Variants in TPH2 observed in about 807,000 individuals in gnomAD.
TPH2 encodes the protein tryptophan hydroxylase 2.
A neutral mutation model predicts 59.1 loss-of-function variants in TPH2; 27 were observed. The observed-to-expected ratio is 0.46, with a 90% CI of 0.34 to 0.63. The LOEUF (loss-of-function observed/expected upper bound fraction) is 0.63, where lower values mean the gene tolerates loss of function less well. Among genes scored for constraint, TPH2 ranks in the 30% least tolerant of loss-of-function variants. The probability of loss-of-function intolerance (pLI) is 0.01; values close to 1 mark genes in which losing one functional copy is unlikely to be tolerated. For missense variants in TPH2, 523 were observed against 588.3 expected (o/e 0.89, Z 1.15); for synonymous variants, 220 against 210.5 (o/e 1.05, Z -0.39).
intron 8 of TPH2, among the ~76,000 whole-genome samples, chr12:71,995,625 G>A (rs186269210): frequency 4.5e-4 from 69 of 152,180 alleles, no homozygotes; most frequent in African/African-American, 1.2e-3. Flanking sequence ...CATCTAAATG[G>A]CAAGGACCTC....
chr12:71,950,052 TCA>T (rs1305390815), intron 5 of TPH2, among the ~76,000 whole-genome samples: 1 of 152,142 alleles, frequency 6.6e-6, no homozygotes, highest in East Asian at 1.9e-4. Flanking sequence ...GTGAAAGGGC[TCA>T]GTTAAGGAGC....
At chr12:71,958,054 A>G (rs1383216073) in intron 5 of TPH2, among the ~76,000 whole-genome samples, 2 of 152,238 alleles carry the variant, frequency 1.3e-5, no homozygotes, top group African/African-American at 4.8e-5. Context: ...CCATTATTGT[A>G]CGCACTTTGA....
chr12:72,024,464 A>G (rs1452427220), intron 9 of TPH2, among the ~76,000 whole-genome samples: 1 of 152,244 alleles, frequency 6.6e-6, no homozygotes, highest in African/African-American at 2.4e-5. Flanking sequence ...AATTCTCAAC[A>G]AAGAATCTAT....
chr12:72,023,192 T>G (rs956142498), intron 9 of TPH2, among the ~76,000 whole-genome samples: 1 of 152,218 alleles, frequency 6.6e-6, no homozygotes, highest in South Asian at 2.1e-4. Flanking sequence ...CAAGTTTTGA[T>G]GCATTTTAAA....
At chr12:72,021,459 T>TG (rs1873416084) in intron 8 of TPH2, among the ~76,000 whole-genome samples, 1 of 151,750 alleles carries the variant, frequency 6.6e-6, no homozygotes, top group Non-Finnish European at 1.5e-5. Context: ...ACAGTTTTTT[T>TG]TTTTAACTTC....
At chr12:72,003,382 G>C (rs1872874362) in intron 8 of TPH2, among the ~76,000 whole-genome samples, 3 of 152,138 alleles carry the variant, frequency 2.0e-5, no homozygotes, top group Non-Finnish European at 2.9e-5. Context: ...ATTTTTAAGA[G>C]TAACTTAATT....
intron 8 of TPH2, among the ~76,000 whole-genome samples, chr12:72,012,784 G>A (rs1031749655): frequency 2.6e-5 from 4 of 152,138 alleles, no homozygotes; most frequent in African/African-American, 9.7e-5. Flanking sequence ...AGAGATTGGG[G>A]TATATTTCTT....
intron 8 of TPH2, among the ~76,000 whole-genome samples, chr12:71,997,710 C>T (rs1275205188): frequency 6.6e-6 from 1 of 152,018 alleles, no homozygotes; most frequent in Non-Finnish European, 1.5e-5. Flanking sequence ...TTTAAGCTAC[C>T]AGGCATTCTT....
chr12:71,994,643 A>G (rs1872652326), intron 8 of TPH2, 78 bp downstream of exon 8: 3 of 1,555,286 alleles, frequency 1.9e-6, no homozygotes, highest in Admixed American at 1.7e-5. Context: ...ATTATTGACT[A>G]TGAGTTATAG....
At chr12:71,968,887 G>A (rs1156277333) in intron 5 of TPH2, among the ~76,000 whole-genome samples, 1 of 152,092 alleles carries the variant, frequency 6.6e-6, no homozygotes, top group African/African-American at 2.4e-5. Context: ...TCTCTAGAAT[G>A]TGGAGTCCTT....
At chr12:72,010,448 A>G (rs1182645438) in intron 8 of TPH2, among the ~76,000 whole-genome samples, 3 of 152,170 alleles carry the variant, frequency 2.0e-5, no homozygotes, top group African/African-American at 7.2e-5. Context: ...TCTGAGTATG[A>G]GAGATGATGA....
In TPH2 at chr12:72,032,292, G is replaced by A. The variant is rs571843001; in HGVS notation, c.*597G>A. The A allele has an allele frequency of 9.0e-5, 14 of 155,776 alleles. No homozygotes were observed. The highest frequency in any genetic ancestry group is 7.9e-4 in the South Asian group (4 of 5,078). 9.6% of individuals were successfully genotyped at this position (155,776 alleles called of 1,614,324 possible). ...TTACAAATGGAATTATGTAGGTTGC[G>A]TTGACCTTGTAGAACCTGAGTTATG... is the stretch of plus-strand genomic sequence containing the variant. On this transcript the variant is annotated 3_prime_UTR_variant, in exon 11 of 11. Transcript: ENST00000333850.
At chr12:71,959,061 C>T (rs1228915483) in intron 5 of TPH2, among the ~76,000 whole-genome samples, 2 of 49,860 alleles carry the variant, frequency 4.0e-5, no homozygotes, top group Non-Finnish European at 4.1e-5. Flanking sequence ...CAGAGAAGGG[C>T]ATTTTTTTTT....
At chr12:71,952,321 T>C (rs1871371662) in intron 5 of TPH2, among the ~76,000 whole-genome samples, 1 of 152,034 alleles carries the variant, frequency 6.6e-6, no homozygotes, top group African/African-American at 2.4e-5. Context: ...AAAAGAGGGC[T>C]GGATGGAGCT....
intron 6 of TPH2, among the ~76,000 whole-genome samples, chr12:71,974,121 G>A (rs756300489): frequency 6.6e-6 from 1 of 151,866 alleles, no homozygotes; most frequent in African/African-American, 2.4e-5. Flanking sequence ...TCTCTTTCCT[G>A]GAACTTGCTT....
chr12:72,027,576 A>G (rs531289680), intron 9 of TPH2, among the ~76,000 whole-genome samples: 110 of 152,290 alleles, frequency 7.2e-4, no homozygotes, highest in African/African-American at 2.6e-3. Context: ...AACTGTAAAG[A>G]CCTGTGTTCT....
At chr12:71,962,806 C>A (rs968964494) in intron 5 of TPH2, 14 of 452,936 alleles carry the variant, frequency 3.1e-5, no homozygotes, top group Non-Finnish European at 4.1e-5. Flanking sequence ...GCAACCTCCG[C>A]CTCCTGGGTT....
intron 4 of TPH2, 113 bp downstream of exon 4, chr12:71,944,799 A>G: frequency 9.9e-7 from 1 of 1,012,310 alleles, no homozygotes; most frequent in Non-Finnish European, 1.5e-6. Flanking sequence ...TTTATTATTT[A>G]TTCCCCATAA....
At chr12:72,018,366 T>C (rs1199636076) in intron 8 of TPH2, among the ~76,000 whole-genome samples, 1 of 152,186 alleles carries the variant, frequency 6.6e-6, no homozygotes, top group Non-Finnish European at 1.5e-5. Context: ...GAGATTTATC[T>C]TTGAATCTTT....
Sources: allele counts gnomAD v4.1 joint callset (sites outside exome capture counted in the v4.1 genomes callset), GRCh38; gene constraint gnomAD v4.1.1; transcripts MANE v1.5; gene names NCBI Gene and HGNC (gene_info 2026-07-23, HGNC 2026-07-21).